The following ACOT12 variants were observed in gnomAD, a reference collection of about 807,000 sequenced individuals.
ACOT12 encodes acyl-CoA thioesterase 12.
Under a neutral mutation model 67.7 loss-of-function variants are expected in ACOT12, and 51 were observed. The ratio of observed to expected loss-of-function variants is 0.75; its 90% CI spans 0.60 to 0.95. The LOEUF (loss-of-function observed/expected upper bound fraction) is 0.95. Ranked by LOEUF, ACOT12 falls within the 40% of genes least tolerant of loss-of-function variation. The pLI, the probability that ACOT12 is intolerant of heterozygous loss-of-function variation, is 0.00. For missense variants in ACOT12, 734 were observed against 708.1 expected, an observed-to-expected ratio of 1.04 and a Z score of -0.41; for synonymous variants, 251 against 244.6, an observed-to-expected ratio of 1.03 and a Z score of -0.24.
intron 4 of ACOT12, among the ~76,000 whole-genome samples, chr5:81,361,950 C>G (rs1175933781): frequency 6.6e-6 from 1 of 152,178 alleles, no homozygotes; most frequent in East Asian, 1.9e-4. Flanking sequence ...TGGGTTCAAA[C>G]CAAACCACTG....
rs540665090 is a variant in ACOT12, at chr5:81,330,443, A to G, written c.1619T>C (p.Ile540Thr). ...KSIEETAASCIQFLENPPDDG... is the reference protein window; with the variant it reads ...KSIEETAASCTQFLENPPDDG... ...ATCAGGAGGATTCTCTAAGAACTGT[A>G]TACAAGAGGCTGCTGTTTCTTCAAT... The change falls in exon 15 of 15, where the codon ATA (isoleucine) becomes ACA (threonine). Residue 540 changes from isoleucine (I) to threonine (T), a missense_variant. Ile to Thr is a moderately conservative substitution (Grantham distance 89). Transcript: ENST00000307624. 4 of 1,614,162 alleles carry G rather than the reference A, an allele frequency of 2.5e-6. No individual in the cohort carries two copies. Among genetic ancestry groups the G allele is most frequent in the East Asian group, 2.2e-5 (1 of 44,878 alleles).
intron 11 of ACOT12, among the ~76,000 whole-genome samples, chr5:81,337,144 T>C (rs1759029733): frequency 6.6e-6 from 1 of 152,178 alleles, no homozygotes; most frequent in South Asian, 2.1e-4. Context: ...CATTGGTGTA[T>C]ATCCAGAGAG....
At chr5:81,352,055 G>T (rs1192013942) in intron 5 of ACOT12, among the ~76,000 whole-genome samples, 1 of 151,300 alleles carries the variant, frequency 6.6e-6, no homozygotes, top group African/African-American at 2.4e-5. Flanking sequence ...CTACAATGAG[G>T]TATCATCTCA....
At chr5:81,381,707 C>T (rs1376385066) in intron 2 of ACOT12, among the ~76,000 whole-genome samples, 2 of 151,820 alleles carry the variant, frequency 1.3e-5, no homozygotes, top group East Asian at 3.9e-4. Context: ...AGCCAGTTTC[C>T]CCAGGGTGAA....
chr5:81,335,737 G>T, intron 12 of ACOT12, 31 bp downstream of exon 12: 1 of 1,602,950 alleles, frequency 6.2e-7, no homozygotes. Context: ...TGTCAAGGTT[G>T]ATTGAGAAAA....
chr5:81,318,703 T>C, the ACOT12 span, among the ~76,000 whole-genome samples: 1 of 152,202 alleles, frequency 6.6e-6, no homozygotes, highest in East Asian at 1.9e-4. Context: ...TTCTCCTTAT[T>C]TTCCTTTTAA....
intron 10 of ACOT12, 113 bp from the exon 11 acceptor site, chr5:81,342,868 A>G: frequency 9.3e-7 from 1 of 1,076,518 alleles, no homozygotes; most frequent in Non-Finnish European, 1.4e-6. Flanking sequence ...GTTGAGTCCT[A>G]GTGATAATGT....
intron 1 of ACOT12, among the ~76,000 whole-genome samples, chr5:81,387,341 C>A (rs1760756670): frequency 6.6e-6 from 1 of 152,038 alleles, no homozygotes; most frequent in Non-Finnish European, 1.5e-5. Context: ...CAGCCATAGT[C>A]AGTACCCTTT....
chr5:81,311,351 T>C, the ACOT12 span: 2 of 1,450,790 alleles, frequency 1.4e-6, no homozygotes, highest in Non-Finnish European at 1.9e-6. Context: ...GCACTTGTTA[T>C]TAATAACTCA....
chr5:81,384,611 A>T (rs1181806838), intron 2 of ACOT12, among the ~76,000 whole-genome samples: 1 of 152,174 alleles, frequency 6.6e-6, no homozygotes, highest in East Asian at 1.9e-4. Context: ...CACATAGCCT[A>T]GGTGTGTAAG....
At chr5:81,327,837 A>C (rs1758710831), downstream of ACOT12, among the ~76,000 whole-genome samples, 1 of 152,186 alleles carries the variant, frequency 6.6e-6, no homozygotes. Flanking sequence ...AGTGTCCCTT[A>C]AGGATACTTT....
At chr5:81,373,669 C>T (rs1035929604) in intron 2 of ACOT12, among the ~76,000 whole-genome samples, 12 of 152,086 alleles carry the variant, frequency 7.9e-5, no homozygotes, top group African/African-American at 2.7e-4. Flanking sequence ...CTAGGATGCT[C>T]GAGCTTGGTG....
the ACOT12 span, among the ~76,000 whole-genome samples, chr5:81,322,486 T>C: frequency 1.4e-5 from 2 of 146,504 alleles, no homozygotes. Flanking sequence ...AAACCCCACA[T>C]ACATGTTAGA....
rs771450548 is a variant in ACOT12 at position 81,347,589 on chromosome 5, T to C, written c.653+185A>G. 4.5e-4 allele frequency among the ~76,000 whole-genome samples: 68 copies of C among 152,316 alleles called. 2 individuals carry two copies. The highest frequency in any genetic ancestry group is 1.2e-3 in the South Asian group (6 of 4,828). ...GAACCAAAATATTTAAACATTCACC[T>C]TCAAACAAAAGGACAGATTAATCCT... On this transcript the variant is annotated intron_variant, in intron 6 of 14. Coordinates refer to ENST00000307624, the MANE Select transcript of ACOT12 (RefSeq NM_130767.3).
intron 2 of ACOT12, among the ~76,000 whole-genome samples, chr5:81,377,750 A>G (rs993928596): frequency 2.0e-5 from 3 of 152,202 alleles, no homozygotes; most frequent in African/African-American, 7.2e-5. Flanking sequence ...CTTCAAAGAG[A>G]ATAAAATACC....
intron 2 of ACOT12, among the ~76,000 whole-genome samples, chr5:81,372,093 A>G (rs959549999): frequency 6.6e-6 from 1 of 152,236 alleles, no homozygotes; most frequent in Admixed American, 6.5e-5. Flanking sequence ...TCGGCAACAC[A>G]TACTGACTAT....
intron 4 of ACOT12, among the ~76,000 whole-genome samples, chr5:81,360,657 C>A (rs1759876588): frequency 6.6e-6 from 1 of 152,168 alleles, no homozygotes; most frequent in African/African-American, 2.4e-5. Flanking sequence ...CCTTTGCTGA[C>A]CCTGTGTGTA....
intron 1 of ACOT12, among the ~76,000 whole-genome samples, chr5:81,387,596 G>A (rs939786693): frequency 2.0e-5 from 3 of 147,626 alleles, no homozygotes; most frequent in African/African-American, 7.6e-5. Flanking sequence ...GCAGTGGCAC[G>A]AGCATAGCTC....
At chr5:81,328,369 C>G (rs1561316893), downstream of ACOT12, among the ~76,000 whole-genome samples, 1 of 152,094 alleles carries the variant, frequency 6.6e-6, no homozygotes, top group African/African-American at 2.4e-5. Flanking sequence ...TCTTGCTGAA[C>G]CCGCCGTGCC....
Sources: allele counts gnomAD v4.1 joint callset (sites outside exome capture counted in the v4.1 genomes callset), GRCh38; gene constraint gnomAD v4.1.1; transcripts MANE v1.5; gene names NCBI Gene and HGNC (gene_info 2026-07-23, HGNC 2026-07-21).